ITPKB: variants seen among roughly 807,000 people sequenced by gnomAD.
The protein encoded by ITPKB is inositol-trisphosphate 3-kinase B.
ITPKB carries 13 observed loss-of-function variants against 69.4 expected under a neutral mutation model. That is an observed-to-expected ratio of 0.19 (90% CI 0.12 to 0.30). The LOEUF is 0.30. Among genes scored for constraint, ITPKB ranks in the 10% least tolerant of loss-of-function variants. ITPKB has a pLI of 1.00. For missense variants in ITPKB, 1,240 were observed against 1,250.5 expected (o/e 0.99, Z 0.13); for synonymous variants, 584 against 513.7 (o/e 1.14, Z -1.85).
At chr1:226,735,439 T>A in intron 2 of ITPKB, 88 bp downstream of exon 2, 1 of 1,373,174 alleles carries the variant, frequency 7.3e-7, no homozygotes. Context: ...CATGACTGTG[T>A]AGAAAGTTAA....
chr1:226,736,155 C>A lies in ITPKB; in HGVS notation c.1304G>T (p.Gly435Val). 6.4e-7 allele frequency: 1 copy of A among 1,560,136 alleles called. No individual in the cohort carries two copies. The highest frequency in any genetic ancestry group is 8.7e-7 in the Non-Finnish European group (1 of 1,152,866). Residue 435 changes from glycine (G) to valine (V), a missense_variant, in exon 2 of 8, where the codon GGG (glycine) becomes GTG (valine). Physicochemically the swap from Gly to Val is moderately radical, Grantham distance 109. Transcript: ENST00000429204. ...CACTCTGTCGGAGAGCTGCCAACGC[C>A]CCCCGCCCACGGGGGCCCCACTTCG... The part of the protein sequence containing the change: ...EARSGAPVGG[G>V]RWQLSDRVEG...
intron 2 of ITPKB, among the ~76,000 whole-genome samples, chr1:226,697,960 A>C (rs1656535018): frequency 6.6e-6 from 1 of 152,226 alleles, no homozygotes; most frequent in Non-Finnish European, 1.5e-5. Flanking sequence ...ACTCAGAGGC[A>C]GAGTCCTATG....
intron 2 of ITPKB, among the ~76,000 whole-genome samples, chr1:226,708,629 C>G (rs1472127056): frequency 1.3e-5 from 2 of 152,206 alleles, no homozygotes; most frequent in East Asian, 3.8e-4. Flanking sequence ...ACCCATCTGG[C>G]AACCACGAGG....
chr1:226,735,704 C>T lies in ITPKB; in HGVS notation c.1755G>A (p.Thr585=), dbSNP rs773642784. The change falls in exon 2 of 8, where the codon ACG becomes ACA. Residue 585 remains threonine (T), a synonymous_variant. Coordinates refer to ENST00000429204, the MANE Select transcript of ITPKB (RefSeq NM_002221.4). ...GCAGGTTGCCCCGAGGGCTTCCCTG[C>T]GTCTCCTCCAAGGCCCCATCCTCCT... ...GTQEDGALEE[T]QGSPRGNLPL... The T allele has an allele frequency of 2.5e-6, 4 of 1,592,260 alleles. No individual in the cohort carries two copies. The highest frequency in any genetic ancestry group is 1.8e-5 in the Admixed American group (1 of 56,942).
At chr1:226,712,034 G>A (rs1656973054) in intron 2 of ITPKB, among the ~76,000 whole-genome samples, 1 of 152,164 alleles carries the variant, frequency 6.6e-6, no homozygotes, top group South Asian at 2.1e-4. Context: ...CCGGGAGAAG[G>A]GCTTCAGGAA....
At chr1:226,654,592 G>C (rs923260628) in intron 2 of ITPKB, among the ~76,000 whole-genome samples, 3 of 152,184 alleles carry the variant, frequency 2.0e-5, no homozygotes, top group African/African-American at 7.2e-5. Flanking sequence ...TGGGTGTGGA[G>C]CCTTCCTGGG....
At chr1:226,712,889 C>A (rs920660799) in intron 2 of ITPKB, among the ~76,000 whole-genome samples, 1 of 152,102 alleles carries the variant, frequency 6.6e-6, no homozygotes, top group Non-Finnish European at 1.5e-5. Flanking sequence ...TATCAGCAAA[C>A]CACAGGATGG....
intron 2 of ITPKB, among the ~76,000 whole-genome samples, chr1:226,730,978 G>T (rs1657573399): frequency 6.6e-6 from 1 of 152,186 alleles, no homozygotes; most frequent in South Asian, 2.1e-4. Context: ...CCTAAAAGCG[G>T]GTGAGTCTTG....
rs552845071 is a variant in ITPKB, at chr1:226,736,825, T to A, written c.634A>T (p.Thr212Ser). The A allele has an allele frequency of 6.2e-7, 1 of 1,612,734 alleles. No individual in the cohort carries two copies. Among genetic ancestry groups the A allele is most frequent in the African/African-American group, 1.3e-5 (1 of 75,016 alleles). Residue 212 changes from threonine (T) to serine (S), a missense_variant, in exon 2 of 8, where the codon ACT (threonine) becomes TCT (serine). Thr to Ser is a moderately conservative substitution (Grantham distance 58). Transcript: ENST00000429204. ...TTCCTCCCGGAGTCGGTTCCTGAAGTCTCTGGACATTGCTCCCCCCAGGAC... is the reference window on the plus strand; with the variant it reads ...TTCCTCCCGGAGTCGGTTCCTGAAGACTCTGGACATTGCTCCCCCCAGGAC... ...TKSWGEQCPETSGTDSGRKGG... is the reference protein window; with the variant it reads ...TKSWGEQCPESSGTDSGRKGG...
chr1:226,726,245 CA>C (rs1174536192), intron 2 of ITPKB, among the ~76,000 whole-genome samples: 1 of 152,122 alleles, frequency 6.6e-6, no homozygotes, highest in Non-Finnish European at 1.5e-5. Flanking sequence ...TTGTTAAGCA[CA>C]AAAAACATTC....
chr1:226,705,815 A>G (rs987800220), intron 2 of ITPKB, among the ~76,000 whole-genome samples: 9 of 152,296 alleles, frequency 5.9e-5, no homozygotes, highest in African/African-American at 2.2e-4. Flanking sequence ...GGCCCGAATC[A>G]TTTCTTAGGA....
At chr1:226,735,446 T>G (rs1028059150) in intron 2 of ITPKB, 81 bp downstream of exon 2, 4 of 704,132 alleles carry the variant, frequency 5.7e-6, no homozygotes, top group Non-Finnish European at 7.3e-6. Context: ...GTGTAGAAAG[T>G]TAAGAAAAAG....
intron 2 of ITPKB, among the ~76,000 whole-genome samples, chr1:226,734,243 T>G (rs1163323323): frequency 1.3e-5 from 2 of 152,200 alleles, no homozygotes; most frequent in African/African-American, 2.4e-5. Flanking sequence ...ATTGGGGCGA[T>G]TTTGCATACA....
intron 2 of ITPKB, among the ~76,000 whole-genome samples, chr1:226,695,086 C>T (rs544735922): frequency 2.6e-5 from 4 of 152,086 alleles, no homozygotes; most frequent in African/African-American, 9.7e-5. Context: ...AAAAATTAGC[C>T]GGGTGTGGTG....
intron 2 of ITPKB, among the ~76,000 whole-genome samples, chr1:226,689,809 C>A (rs1656306724): frequency 6.6e-6 from 1 of 152,104 alleles, no homozygotes; most frequent in African/African-American, 2.4e-5. Flanking sequence ...TCTGTTGTTC[C>A]CCTCTATGTG....
In ITPKB at chr1:226,728,965, G is replaced by A. The variant is rs139950424; in HGVS notation, c.1932+6562C>T. ...AGATGGTTCTGTATTTCTTTTATGGGTAGATAATGCAGCAGGGATTTTTTC... is the reference window on the plus strand; with the variant it reads ...AGATGGTTCTGTATTTCTTTTATGGATAGATAATGCAGCAGGGATTTTTTC... On this transcript the variant is annotated intron_variant, in intron 2 of 7. Coordinates refer to ENST00000429204, the MANE Select transcript of ITPKB (RefSeq NM_002221.4). Among the ~76,000 whole-genome samples the A allele has an allele frequency of 4.7e-3, 718 of 152,192 alleles. 5 individuals are homozygous for A. Among genetic ancestry groups the A allele is most frequent in the African/African-American group, 0.017 (694 of 41,482 alleles).
chr1:226,668,941 G>A (rs1310781410), intron 2 of ITPKB: 1 of 152,056 alleles, frequency 6.6e-6, no homozygotes, highest in East Asian at 1.9e-4. Context: ...AAGCATTAGC[G>A]TCATTAAATT....
chr1:226,654,163 C>T (rs1005964384), intron 2 of ITPKB, among the ~76,000 whole-genome samples: 23 of 152,084 alleles, frequency 1.5e-4, no homozygotes, highest in Admixed American at 1.4e-3. Flanking sequence ...GGTTTTGTCC[C>T]CTGGCACCCG....
intron 2 of ITPKB, among the ~76,000 whole-genome samples, chr1:226,657,570 G>A (rs1392579445): frequency 5.3e-5 from 8 of 152,150 alleles, no homozygotes; most frequent in East Asian, 1.9e-4. Flanking sequence ...CTAACACTCC[G>A]AAAACGGTAT....
Sources: allele counts gnomAD v4.1 joint callset (sites outside exome capture counted in the v4.1 genomes callset), GRCh38; gene constraint gnomAD v4.1.1; transcripts MANE v1.5; gene names NCBI Gene and HGNC (gene_info 2026-07-23, HGNC 2026-07-21).